Variants in BICD1 observed in about 807,000 individuals in gnomAD.
The protein encoded by BICD1 is BICD cargo adaptor 1.
Under a neutral mutation model 92.5 loss-of-function variants are expected in BICD1, and 35 were observed. The observed-to-expected ratio is 0.38, with a 90% CI of 0.29 to 0.50. The LOEUF is 0.50. Among genes scored for constraint, BICD1 ranks in the 20% least tolerant of loss-of-function variants. The pLI is 0.93. For synonymous variants in BICD1, 429 were observed against 465.1 expected, an observed-to-expected ratio of 0.92 and a Z score of 1.00; for missense variants, 950 against 1,189.8, an observed-to-expected ratio of 0.80 and a Z score of 2.97.
At chr12:32,156,216 C>T (rs1456602760) in intron 1 of BICD1, among the ~76,000 whole-genome samples, 2 of 152,144 alleles carry the variant, frequency 1.3e-5, no homozygotes, top group Admixed American at 6.6e-5. Context: ...TATTATTGCT[C>T]CTCCAGCGTT....
chr12:32,262,191 C>T (rs901503719), intron 2 of BICD1, among the ~76,000 whole-genome samples: 2 of 152,284 alleles, frequency 1.3e-5, no homozygotes, highest in South Asian at 2.1e-4. Context: ...TCAAACCCTC[C>T]CCATTGCCTT....
At chr12:32,376,587 G>T (rs1939974840) in intron 9 of BICD1, among the ~76,000 whole-genome samples, 1 of 151,984 alleles carries the variant, frequency 6.6e-6, no homozygotes, top group Admixed American at 6.6e-5. Flanking sequence ...GAAATGTTAG[G>T]CTGGGCTCGG....
At chr12:32,264,383 G>C (rs1946937006) in intron 2 of BICD1, among the ~76,000 whole-genome samples, 1 of 152,102 alleles carries the variant, frequency 6.6e-6, no homozygotes, top group Non-Finnish European at 1.5e-5. Flanking sequence ...CTACTAAAAG[G>C]AATGAATGAT....
intron 1 of BICD1, among the ~76,000 whole-genome samples, chr12:32,146,860 T>C (rs1193068080): frequency 8.3e-6 from 1 of 120,614 alleles, no homozygotes; most frequent in Admixed American, 1.1e-4. Context: ...CTCCTCCTCC[T>C]TCTCCTTCCT....
intron 9 of BICD1, among the ~76,000 whole-genome samples, chr12:32,371,107 AT>A (rs1939723094): frequency 6.6e-6 from 1 of 152,182 alleles, no homozygotes; most frequent in South Asian, 2.1e-4. Context: ...TCTGAGATTA[AT>A]AAATTTAGGT....
chr12:32,128,380 C>G (rs1215153194), intron 1 of BICD1, among the ~76,000 whole-genome samples: 1 of 152,088 alleles, frequency 6.6e-6, no homozygotes, highest in Non-Finnish European at 1.5e-5. Flanking sequence ...CAAATTCTTC[C>G]CTTGGTTATT....
intron 1 of BICD1, among the ~76,000 whole-genome samples, chr12:32,123,747 A>C (rs1287331451): frequency 6.6e-6 from 1 of 152,102 alleles, no homozygotes; most frequent in Non-Finnish European, 1.5e-5. Flanking sequence ...GCGTGGTGGC[A>C]GGTGCCTGTA....
intron 2 of BICD1, among the ~76,000 whole-genome samples, chr12:32,225,265 A>G (rs1225977911): frequency 6.6e-6 from 1 of 152,220 alleles, no homozygotes; most frequent in African/African-American, 2.4e-5. Flanking sequence ...GGAGATTCAT[A>G]TAAGTTGTTA....
In BICD1 at chr12:32,338,928, ATCC is replaced by A. The variant is rs764272131; in HGVS notation, c.2714_2716del (p.Ile905_Gln906delinsLys). ...GGGCCCCCCTTCCATGAGTGAATTCATCCAAGGGCACCGGCTCAGCAAGGAAAA... is the reference window on the plus strand; with the variant it reads ...GGGCCCCCCTTCCATGAGTGAATTCAAAGGGCACCGGCTCAGCAAGGAAAA... On this transcript the variant is annotated inframe_deletion, in exon 8 of 10. Coordinates refer to ENST00000652176, the MANE Select transcript of BICD1 (RefSeq NM_001714.4). The A allele has an allele frequency of 5.0e-6, 8 of 1,607,996 alleles. No homozygotes were observed. The Middle Eastern group carries it at 5.0e-4, about 100-fold the overall frequency.
intron 1 of BICD1, among the ~76,000 whole-genome samples, chr12:32,132,406 ACT>A (rs1942579154): frequency 8.0e-6 from 1 of 125,328 alleles, no homozygotes; most frequent in African/African-American, 2.8e-5. Context: ...ACAGAGCGAG[ACT>A]CTGTCTCAAA....
At chr12:32,244,973 A>G (rs76629207) in intron 2 of BICD1, among the ~76,000 whole-genome samples, 7,132 of 152,180 alleles carry the variant, frequency 0.047, 222 homozygotes, top group Middle Eastern at 0.11. Flanking sequence ...ACCATATAAT[A>G]TGATGTTTTA....
At chr12:32,172,377 T>G (rs1943970175) in intron 1 of BICD1, among the ~76,000 whole-genome samples, 1 of 152,332 alleles carries the variant, frequency 6.6e-6, no homozygotes, top group South Asian at 2.1e-4. Flanking sequence ...AGCAAGCTGC[T>G]TTGCTCCCTT....
intron 1 of BICD1, among the ~76,000 whole-genome samples, chr12:32,170,189 C>G (rs1485862904): frequency 6.6e-6 from 1 of 152,142 alleles, no homozygotes; most frequent in Non-Finnish European, 1.5e-5. Flanking sequence ...CAGTTTCATG[C>G]TCTGAAAAAG....
chr12:32,380,486 T>TAGTAAAAGTACTAGTAAAAG lies in BICD1; in HGVS notation c.*2859_*2860insAGTAAAAGTACTAGTAAAAG, dbSNP rs1940140780. ...GATTAATGCTAACTAGTAAAAGTAG[T>TAGTAAAAGTACTAGTAAAAG]TAGCAAAGTAAACAGGTAGTTTTTT... On this transcript the variant is annotated 3_prime_UTR_variant, in exon 10 of 10. Coordinates refer to ENST00000652176, the MANE Select transcript of BICD1 (RefSeq NM_001714.4). 6.6e-6 allele frequency: 1 copy of TAGTAAAAGTACTAGTAAAAG among 152,186 alleles called. No individual in the cohort carries two copies. The highest frequency in any genetic ancestry group is 1.5e-5 in the Non-Finnish European group (1 of 68,010). 9.4% of individuals were successfully genotyped at this position (152,186 alleles called of 1,614,324 possible).
At chr12:32,339,131 A>G in intron 8 of BICD1, 152 bp downstream of exon 8, 3 of 1,347,330 alleles carry the variant, frequency 2.2e-6, no homozygotes, top group Non-Finnish European at 2.8e-6. Context: ...CCTTACACTT[A>G]GCTTCCCATT....
At chr12:32,265,211 C>G (rs923494585) in intron 2 of BICD1, among the ~76,000 whole-genome samples, 1 of 152,070 alleles carries the variant, frequency 6.6e-6, no homozygotes, top group African/African-American at 2.4e-5. Context: ...AGAGATTAGT[C>G]TTACAAGGCC....
rs558861627 is a variant in BICD1 at position 32,329,166 on chromosome 12, G to A, written c.2100+611G>A. On this transcript the variant is annotated intron_variant, in intron 5 of 9. Transcript: ENST00000652176. ...GTTGTCCAGGCTGGAGTGCACTGGC[G>A]CCATCTCTGCTCACTGCAACCTCCG... Among the ~76,000 whole-genome samples the A allele has an allele frequency of 1.8e-4, 27 of 152,098 alleles. No individual in the cohort carries two copies. In the East Asian group the frequency reaches 5.0e-3, roughly 28 times the overall value.
At chr12:32,318,709 C>A (rs940797902) in intron 4 of BICD1, among the ~76,000 whole-genome samples, 16 of 152,148 alleles carry the variant, frequency 1.1e-4, no homozygotes, top group African/African-American at 3.6e-4. Flanking sequence ...ACAAAATTAA[C>A]CAGGCGTAGT....
intron 2 of BICD1, among the ~76,000 whole-genome samples, chr12:32,223,534 A>T (rs915289441): frequency 6.6e-6 from 1 of 151,800 alleles, no homozygotes; most frequent in Non-Finnish European, 1.5e-5. Context: ...AAAAAAAAAA[A>T]AAGAATCAAA....
Sources: gnomAD v4.1 joint callset for allele counts (sites outside exome capture counted in the v4.1 genomes callset) on GRCh38, gnomAD v4.1.1 for gene constraint, MANE v1.5 for transcripts, NCBI Gene and HGNC (gene_info 2026-07-23, HGNC 2026-07-21) for gene names.